Variants in DLG2 observed in about 807,000 individuals in gnomAD.
The protein encoded by DLG2 is disks large homolog 2.
Under a neutral mutation model 132.5 loss-of-function variants are expected in DLG2, and 45 were observed. The observed-to-expected ratio is 0.34, with a 90% CI of 0.27 to 0.44. The LOEUF is 0.44. DLG2 is among the 20% of genes least tolerant of loss of function. DLG2 has a pLI of 1.00. For missense variants in DLG2, 1,045 were observed against 1,196.9 expected, an observed-to-expected ratio of 0.87 and a Z score of 1.87; for synonymous variants, 424 against 419.6, an observed-to-expected ratio of 1.01 and a Z score of -0.13.
At chr11:84,076,254 C>T (rs1370495374) in intron 10 of DLG2, among the ~76,000 whole-genome samples, 1 of 152,136 alleles carries the variant, frequency 6.6e-6, no homozygotes, top group Admixed American at 6.6e-5. Context: ...ATGAGGGAAG[C>T]AGAAGAGAGA....
intron 7 of DLG2, among the ~76,000 whole-genome samples, chr11:84,412,963 A>G (rs1324492309): frequency 6.6e-6 from 1 of 152,206 alleles, no homozygotes; most frequent in African/African-American, 2.4e-5. Context: ...TAACAATGAC[A>G]CCTATTATTA....
chr11:85,127,618 T>A, intron 5 of DLG2, among the ~76,000 whole-genome samples: 1 of 152,168 alleles, frequency 6.6e-6, no homozygotes, highest in East Asian at 1.9e-4. Flanking sequence ...ATATACTTGT[T>A]AGATTAATAA....
intron 10 of DLG2, among the ~76,000 whole-genome samples, chr11:84,068,079 A>G (rs1005698055): frequency 2.0e-5 from 3 of 152,222 alleles, no homozygotes; most frequent in African/African-American, 7.2e-5. Flanking sequence ...TAGAAACTTG[A>G]GAGCTTAATA....
intron 6 of DLG2, among the ~76,000 whole-genome samples, chr11:84,673,859 G>T (rs1204127364): frequency 6.6e-6 from 1 of 151,988 alleles, no homozygotes; most frequent in Non-Finnish European, 1.5e-5. Context: ...CATGCTACCT[G>T]CAACTTACAA....
At chr11:84,219,513 C>T (rs1204373040) in intron 8 of DLG2, among the ~76,000 whole-genome samples, 3 of 152,116 alleles carry the variant, frequency 2.0e-5, no homozygotes, top group Non-Finnish European at 4.4e-5. Context: ...AATTAATATA[C>T]TTCTTGGGAT....
At chr11:85,075,819 C>T (rs1413228979) in intron 6 of DLG2, among the ~76,000 whole-genome samples, 1 of 151,902 alleles carries the variant, frequency 6.6e-6, no homozygotes, top group Non-Finnish European at 1.5e-5. Flanking sequence ...CAACTGATCA[C>T]AGTGGTAACC....
At chr11:84,803,624 T>C (rs552911848) in intron 6 of DLG2, among the ~76,000 whole-genome samples, 8 of 152,334 alleles carry the variant, frequency 5.3e-5, no homozygotes, top group African/African-American at 7.2e-5. Flanking sequence ...ATGATTCCAA[T>C]AGAAAGCAAA....
chr11:84,841,105 A>T (rs1211363797), intron 6 of DLG2, among the ~76,000 whole-genome samples: 1 of 151,986 alleles, frequency 6.6e-6, no homozygotes, highest in Non-Finnish European at 1.5e-5. Context: ...ATGATCACAT[A>T]AGAATGAACA....
chr11:83,541,624 C>T, intron 20 of DLG2, 58 bp downstream of exon 20: 2 of 1,405,792 alleles, frequency 1.4e-6, no homozygotes, highest in South Asian at 1.5e-5. Context: ...CTTCTTCCCT[C>T]ATCTCCACTC....
At chr11:83,981,191 CA>C (rs2092745404) in intron 11 of DLG2, among the ~76,000 whole-genome samples, 1 of 152,106 alleles carries the variant, frequency 6.6e-6, no homozygotes. Flanking sequence ...TGTTTATATA[CA>C]TGTAATAATT....
intron 7 of DLG2, among the ~76,000 whole-genome samples, chr11:84,414,610 G>T (rs999486391): frequency 6.6e-6 from 1 of 152,110 alleles, no homozygotes; most frequent in African/African-American, 2.4e-5. Context: ...TGGTCACTCT[G>T]TTTAAAGCAC....
At chr11:85,173,241 A>G (rs1472645149) in intron 4 of DLG2, among the ~76,000 whole-genome samples, 1 of 152,220 alleles carries the variant, frequency 6.6e-6, no homozygotes, top group African/African-American at 2.4e-5. Context: ...CAGGTGACTA[A>G]CAAAGAGAAG....
chr11:84,685,483 C>T (rs1452958391), intron 6 of DLG2, among the ~76,000 whole-genome samples: 1 of 152,166 alleles, frequency 6.6e-6, no homozygotes, highest in East Asian at 1.9e-4. Context: ...CAGCCTATCT[C>T]CCAGATCCAA....
At chr11:83,566,712 GGTGTGTGTGTGTGTGT>G (rs59829516) in intron 19 of DLG2, among the ~76,000 whole-genome samples, 23 of 144,044 alleles carry the variant, frequency 1.6e-4, no homozygotes, top group Non-Finnish European at 2.0e-4. Context: ...CAGAGGGCAT[GGTGTGTGTGTGTGTGT>G]GTGTGTGTGT....
chr11:84,939,637 C>A (rs1212700385), intron 6 of DLG2, among the ~76,000 whole-genome samples: 2 of 152,110 alleles, frequency 1.3e-5, no homozygotes, highest in Non-Finnish European at 2.9e-5. Context: ...CAATTGTTTT[C>A]ATTTTTAGCT....
chr11:84,215,457 C>A (rs534867475), intron 8 of DLG2, among the ~76,000 whole-genome samples: 118 of 151,620 alleles, frequency 7.8e-4, no homozygotes, highest in Non-Finnish European at 1.6e-3. Flanking sequence ...TTACAAAAAT[C>A]TTCTACAAGT....
In DLG2 at chr11:85,021,099, T is replaced by G; in HGVS notation, c.357+90562A>C. 3.8e-6 allele frequency: 3 copies of G among 779,360 alleles called. No homozygotes were observed. The South Asian group carries it at 4.0e-5, about 10-fold the overall frequency. The allele number at this position is 779,360 out of a possible 1,614,324, so 48.3% of individuals were successfully genotyped here. ...TTGTTTTATCTTGGTCAACTCCTTC[T>G]TAATTGCCTGAAGAGTCATCTGCTT... On this transcript the variant is annotated intron_variant, in intron 6 of 27. Coordinates refer to ENST00000376104, the MANE Select transcript of DLG2 (RefSeq NM_001142699.3).
chr11:84,587,476 A>G (rs2099532493), intron 6 of DLG2, among the ~76,000 whole-genome samples: 2 of 152,220 alleles, frequency 1.3e-5, no homozygotes, highest in Admixed American at 6.5e-5. Flanking sequence ...TGATGTATGT[A>G]GCCTACTATA....
At chr11:85,543,824 T>C (rs569983921) in intron 3 of DLG2, among the ~76,000 whole-genome samples, 53 of 147,936 alleles carry the variant, frequency 3.6e-4, no homozygotes, top group Admixed American at 2.3e-3. Flanking sequence ...ATTCACTTTT[T>C]GATGGGGTTG....
Sources: allele counts gnomAD v4.1 joint callset (sites outside exome capture counted in the v4.1 genomes callset), GRCh38; gene constraint gnomAD v4.1.1; transcripts MANE v1.5; gene names NCBI Gene and HGNC (gene_info 2026-07-23, HGNC 2026-07-21).